The following CCDC192 variants were observed in gnomAD, a reference collection of about 807,000 sequenced individuals.
The protein encoded by CCDC192 is coiled-coil domain-containing protein 192.
intron 6 of CCDC192, among the ~76,000 whole-genome samples, chr5:127,929,835 C>T (rs1350495077): frequency 6.6e-6 from 1 of 152,112 alleles, no homozygotes; most frequent in African/African-American, 2.4e-5. Flanking sequence ...GTATCCTTAA[C>T]AAACCCTTGT....
intron 5 of CCDC192, among the ~76,000 whole-genome samples, chr5:127,813,592 A>G (rs1323349870): frequency 6.6e-6 from 1 of 152,178 alleles, no homozygotes; most frequent in East Asian, 1.9e-4. Context: ...TACAGAGAGT[A>G]AAAAGCGACC....
intron 2 of CCDC192, among the ~76,000 whole-genome samples, chr5:127,729,069 G>A (rs1219718324): frequency 6.6e-6 from 1 of 152,080 alleles, no homozygotes; most frequent in East Asian, 1.9e-4. Context: ...ACCACGCCTG[G>A]CTAATTTTTG....
At chr5:127,764,441 C>T (rs1755103129) in intron 3 of CCDC192, among the ~76,000 whole-genome samples, 2 of 152,282 alleles carry the variant, frequency 1.3e-5, no homozygotes, top group Non-Finnish European at 2.9e-5. Context: ...ACTACGTAAC[C>T]TGTGGTTACC....
intron 3 of CCDC192, among the ~76,000 whole-genome samples, chr5:127,754,674 C>T (rs1200478681): frequency 6.6e-6 from 1 of 152,046 alleles, no homozygotes; most frequent in Non-Finnish European, 1.5e-5. Flanking sequence ...GTTAGGCAAA[C>T]CTTCTTTAAC....
At chr5:127,716,904 C>G (rs1299519569) in intron 2 of CCDC192, among the ~76,000 whole-genome samples, 1 of 152,142 alleles carries the variant, frequency 6.6e-6, no homozygotes, top group Admixed American at 6.5e-5. Flanking sequence ...GGGGCCATCT[C>G]CAATAAGCCT....
At chr5:127,800,394 A>AG (rs1757430780) in intron 5 of CCDC192, among the ~76,000 whole-genome samples, 1 of 138,436 alleles carries the variant, frequency 7.2e-6, no homozygotes, top group Non-Finnish European at 1.6e-5. Context: ...AAAAAAAAAA[A>AG]AAAAAAACAA....
chr5:127,707,716 T>C lies in CCDC192; in HGVS notation c.70T>C (p.Ser24Pro), dbSNP rs1561437570. ...ATGTTTACTTTTTTTCAGCATGACG[T>C]CTGGAAGTTCAGAGTCAGATATACC... ...SDTSERSSMT[S>P]GSSESDIPQE... Residue 24 changes from serine to proline, a missense_variant, in exon 2 of 7, where the codon TCT becomes CCT. Physicochemically the swap from Ser to Pro is moderately conservative, Grantham distance 74. Transcript: ENST00000514853. 2 of 398,650 alleles carry C rather than the reference T, an allele frequency of 5.0e-6. No homozygotes were observed. Among genetic ancestry groups the C allele is most frequent in the East Asian group, 7.1e-5 (2 of 28,028 alleles). 24.7% of individuals were successfully genotyped at this position (398,650 alleles called of 1,614,324 possible).
chr5:127,898,260 CA>C (rs1364687942), intron 6 of CCDC192, among the ~76,000 whole-genome samples: 1 of 152,104 alleles, frequency 6.6e-6, no homozygotes, highest in Admixed American at 6.5e-5. Context: ...AGGCACCCAC[CA>C]ACACGCATGG....
At chr5:127,805,466 AGCTGTGG>A (rs1362411181) in intron 5 of CCDC192, among the ~76,000 whole-genome samples, 1 of 152,238 alleles carries the variant, frequency 6.6e-6, no homozygotes, top group Non-Finnish European at 1.5e-5. Flanking sequence ...CACAGATGCC[AGCTGTGG>A]CAATAAATTA....
chr5:127,864,126 T>G (rs1214456866), intron 5 of CCDC192, among the ~76,000 whole-genome samples: 6 of 152,188 alleles, frequency 3.9e-5, no homozygotes, highest in Admixed American at 3.9e-4. Context: ...GATCAGAAAG[T>G]TTGAGTTCAA....
chr5:127,793,414 A>G (rs1756994090), intron 3 of CCDC192, among the ~76,000 whole-genome samples: 1 of 152,200 alleles, frequency 6.6e-6, no homozygotes, highest in Non-Finnish European at 1.5e-5. Flanking sequence ...GTTTCCTTTA[A>G]GTATATAAGT....
intron 5 of CCDC192, among the ~76,000 whole-genome samples, chr5:127,871,679 C>T (rs932005816): frequency 5.9e-5 from 9 of 152,176 alleles, no homozygotes; most frequent in African/African-American, 1.9e-4. Flanking sequence ...AAATTTTAAA[C>T]AGTGCTGGCA....
chr5:127,714,973 T>TG (rs936221119), intron 2 of CCDC192, among the ~76,000 whole-genome samples: 5 of 7,668 alleles, frequency 6.5e-4, no homozygotes, highest in African/African-American at 3.1e-3. Context: ...AATTATTAGG[T>TG]TTTTTTTTTG....
chr5:127,921,686 G>A (rs918145916), intron 6 of CCDC192, among the ~76,000 whole-genome samples: 2 of 152,114 alleles, frequency 1.3e-5, no homozygotes, highest in Non-Finnish European at 2.9e-5. Flanking sequence ...CGGAGGGGCT[G>A]ATTTGTCCAA....
At chr5:127,722,655 C>G (rs1002738482) in intron 2 of CCDC192, among the ~76,000 whole-genome samples, 4 of 152,102 alleles carry the variant, frequency 2.6e-5, no homozygotes, top group Non-Finnish European at 5.9e-5. Context: ...ACATAGGGGT[C>G]TAGTTTCATT....
chr5:127,919,674 A>G (rs1242467697), intron 6 of CCDC192, among the ~76,000 whole-genome samples: 3 of 152,234 alleles, frequency 2.0e-5, no homozygotes, highest in African/African-American at 2.4e-5. Flanking sequence ...TTGCTACTCC[A>G]TAGGAAAGTG....
At chr5:127,717,302 G>C (rs957781716) in intron 2 of CCDC192, among the ~76,000 whole-genome samples, 22 of 152,168 alleles carry the variant, frequency 1.4e-4, no homozygotes, top group Non-Finnish European at 2.8e-4. Context: ...TCTGCTAAAG[G>C]TAAGTAATGT....
intron 3 of CCDC192, among the ~76,000 whole-genome samples, chr5:127,754,758 T>C (rs1754480597): frequency 6.6e-6 from 1 of 152,222 alleles, no homozygotes; most frequent in African/African-American, 2.4e-5. Context: ...ATAAAGCCTA[T>C]TGGAGCCATG....
At chr5:127,733,842 C>CTT (rs35941519) in intron 2 of CCDC192, among the ~76,000 whole-genome samples, 28 of 140,962 alleles carry the variant, frequency 2.0e-4, no homozygotes, top group South Asian at 6.9e-4. Flanking sequence ...ATTGAAGTTT[C>CTT]TTTTTTTTTT....
Sources: gnomAD v4.1 joint callset for allele counts (sites outside exome capture counted in the v4.1 genomes callset) on GRCh38, gnomAD v4.1.1 for gene constraint, MANE v1.5 for transcripts, NCBI Gene and HGNC (gene_info 2026-07-23, HGNC 2026-07-21) for gene names.